TALDO1: variants seen among roughly 807,000 people sequenced by gnomAD.
TALDO1 encodes transaldolase 1, also known as transaldolase.
In TALDO1, 29 loss-of-function variants were observed where a neutral mutation model predicts 38.1. That is an observed-to-expected ratio of 0.76 (90% CI 0.57 to 1.04). TALDO1 has a LOEUF of 1.04. TALDO1 is among the 50% of genes least tolerant of loss of function. TALDO1 has a pLI of 0.00. For missense variants in TALDO1, 499 were observed against 438.1 expected, an observed-to-expected ratio of 1.14 and a Z score of -1.24; for synonymous variants, 207 against 176.8, an observed-to-expected ratio of 1.17 and a Z score of -1.36.
At chr11:764,661 GGTGACTGTGGTATTGGCCACCCT>G (rs771809590) in intron 7 of TALDO1, 129 bp from the exon 8 acceptor site, 11 of 1,371,178 alleles carry the variant, frequency 8.0e-6, no homozygotes, top group Non-Finnish European at 1.1e-5. Context: ...TGGCCTGTGT[GGTGACTGTGGTATTGGCCACCCT>G]GTGGCCGTGG....
At chr11:758,707 T>C (rs1332105619) in intron 2 of TALDO1, among the ~76,000 whole-genome samples, 1 of 151,806 alleles carries the variant, frequency 6.6e-6, no homozygotes, top group East Asian at 1.9e-4. Flanking sequence ...CAGGTTCACG[T>C]CATTCTCCTG....
intron 7 of TALDO1, 80 bp downstream of exon 7, chr11:764,513 G>A (rs1398320813): frequency 3.8e-6 from 6 of 1,568,440 alleles, no homozygotes; most frequent in Non-Finnish European, 5.2e-6. Context: ...AAGCTGGGCA[G>A]AGTTAAAACT....
chr11:763,882 A>G lies in TALDO1; in HGVS notation c.773A>G (p.Lys258Arg), dbSNP rs1402536505. Residue 258 changes from lysine (K) to arginine (R), a missense_variant, in exon 6 of 8, where the codon AAG becomes AGG. By Grantham distance (26) the Lys-to-Arg change is conservative. Coordinates refer to ENST00000319006, the MANE Select transcript of TALDO1 (RefSeq NM_006755.2). ...TGTGACTTCCTCACCATCTCACCCA[A>G]GCTCCTGGGAGAGCTGCTGCAGGAC... Reference protein sequence around the residue: ...AGCDFLTISPKLLGELLQDNA... With the variant: ...AGCDFLTISPRLLGELLQDNA... 1 of 1,613,542 alleles carries G rather than the reference A, an allele frequency of 6.2e-7. No homozygotes were observed. The highest frequency in any genetic ancestry group is 1.7e-5 in the Admixed American group (1 of 60,022).
intron 1 of TALDO1, among the ~76,000 whole-genome samples, chr11:754,680 C>T (rs1257298364): frequency 6.6e-6 from 1 of 152,072 alleles, no homozygotes; most frequent in East Asian, 1.9e-4. Context: ...CCATTTTGGC[C>T]AGGCTGGTTT....
In TALDO1 at chr11:763,735, G is replaced by A. The variant is rs780317789; in HGVS notation, c.638-12G>A. 5 of 1,613,548 alleles carry A rather than the reference G, an allele frequency of 3.1e-6. No homozygotes were observed. The Admixed American group carries it at 5.0e-5, about 16-fold the overall frequency. On this transcript the variant is annotated splice_polypyrimidine_tract_variant and intron_variant, in intron 5 of 7. Coordinates refer to ENST00000319006, the MANE Select transcript of TALDO1 (RefSeq NM_006755.2). ...CCGAAGCCTTCCTGGTCACAGCTTG[G>A]TCTCTTTCCAGGGGTAAAGAGTGTC...
At chr11:763,266 G>GCCCTCACCCA (rs1564994098) in intron 4 of TALDO1, 78 bp from the exon 5 acceptor site, 1 of 128,046 alleles carries the variant, frequency 7.8e-6, no homozygotes, top group African/African-American at 1.2e-4. Context: ...CGCCCTCACC[G>GCCCTCACCCA]TCCCCGCCCT....
At chr11:761,176 CTA>C in intron 4 of TALDO1, among the ~76,000 whole-genome samples, 1 of 151,770 alleles carries the variant, frequency 6.6e-6, no homozygotes, top group Non-Finnish European at 1.5e-5. Flanking sequence ...TCTACCAAAA[CTA>C]CAAAAAATTT....
intron 1 of TALDO1, among the ~76,000 whole-genome samples, chr11:753,933 G>A (rs552599811): frequency 1.6e-4 from 24 of 151,954 alleles, no homozygotes; most frequent in Admixed American, 5.3e-4. Flanking sequence ...CTACTCAGTG[G>A]CTACAAGTTT....
chr11:753,649 G>A (rs931990043), intron 1 of TALDO1, among the ~76,000 whole-genome samples: 2 of 152,068 alleles, frequency 1.3e-5, no homozygotes, highest in Non-Finnish European at 2.9e-5. Flanking sequence ...ACTTGAACCT[G>A]GGAGTTGGAG....
rs1414198970 is a variant in TALDO1, at chr11:761,259, C to CT, written c.461+1007dup. Among the ~76,000 whole-genome samples, 17 of 150,330 alleles carry CT rather than the reference C, an allele frequency of 1.1e-4. No homozygotes were observed. In the East Asian group the frequency reaches 3.1e-3, roughly 28 times the overall value. On this transcript the variant is annotated intron_variant, in intron 4 of 7. Transcript: ENST00000319006. The stretch of plus-strand genomic sequence containing the variant: ...GCTGAAGCAGGAGAATCACTTCAAC[C>CT]TGGGAGGTGGACGTTGCAGTGAGCC...
chr11:750,782 G>A (rs1490448373), intron 1 of TALDO1, among the ~76,000 whole-genome samples: 2 of 152,006 alleles, frequency 1.3e-5, no homozygotes, highest in African/African-American at 2.4e-5. Context: ...CCGAGATCGC[G>A]CCACTGCACT....
chr11:755,733 G>A, intron 1 of TALDO1, 146 bp from the exon 2 acceptor site: 2 of 1,130,836 alleles, frequency 1.8e-6, no homozygotes, highest in Non-Finnish European at 2.6e-6. Flanking sequence ...TGACCCAGAA[G>A]AAGGTGTGAG....
intron 4 of TALDO1, among the ~76,000 whole-genome samples, chr11:761,179 C>CA (rs1862918352): frequency 6.6e-6 from 1 of 151,828 alleles, no homozygotes; most frequent in African/African-American, 2.4e-5. Context: ...ACCAAAACTA[C>CA]AAAAAATTTA....
At position 758,201 on chromosome 11, in the gene TALDO1, G is replaced by A. The variant is rs534756960; in HGVS notation, c.222-749G>A. Among the ~76,000 whole-genome samples, 31 of 152,256 alleles carry A rather than the reference G, an allele frequency of 2.0e-4. 1 individual carries two copies. Among genetic ancestry groups the A allele is most frequent in the Admixed American group, 1.6e-3 (24 of 15,282 alleles). ...CAGGAGGTTGAGGCAGGAGAATGGC[G>A]TGAACCGCGGGGGGCAGAGCTGGCA... On this transcript the variant is annotated intron_variant, in intron 2 of 7. Transcript: ENST00000319006.
intron 4 of TALDO1, among the ~76,000 whole-genome samples, chr11:762,414 G>GCTGCTGCTCTGAACACAT (rs1275293391): frequency 1.3e-5 from 2 of 152,150 alleles, no homozygotes; most frequent in East Asian, 1.9e-4. Flanking sequence ...TGTGATGTAT[G>GCTGCTGCTCTGAACACAT]CTGCTGCTCT....
At chr11:761,335 CAAAAAA>C (rs71022968) in intron 4 of TALDO1, among the ~76,000 whole-genome samples, 3 of 82,076 alleles carry the variant, frequency 3.7e-5, no homozygotes, top group African/African-American at 1.3e-4. Flanking sequence ...GACTCCATCT[CAAAAAA>C]AAAAAAAAAA....
chr11:747,631 G>A, intron 1 of TALDO1, 53 bp downstream of exon 1: 8 of 1,454,126 alleles, frequency 5.5e-6, no homozygotes, highest in South Asian at 3.7e-5. Flanking sequence ...AGAGGCCCCG[G>A]CGCCCCGATT....
At chr11:755,029 A>G (rs540847364) in intron 1 of TALDO1, among the ~76,000 whole-genome samples, 1 of 152,290 alleles carries the variant, frequency 6.6e-6, no homozygotes, top group Admixed American at 6.5e-5. Context: ...CGGTTCAGCA[A>G]CTATTAGATA....
chr11:752,245 ATT>A (rs757907105), intron 1 of TALDO1: 17 of 134,304 alleles, frequency 1.3e-4, no homozygotes, highest in Admixed American at 2.3e-4. Context: ...AATTTTTTGT[ATT>A]TTTTTTTTTT....
Sources: allele counts gnomAD v4.1 joint callset (sites outside exome capture counted in the v4.1 genomes callset), GRCh38; gene constraint gnomAD v4.1.1; transcripts MANE v1.5; gene names NCBI Gene and HGNC (gene_info 2026-07-23, HGNC 2026-07-21).